Variants in VWC2L observed in about 807,000 individuals in gnomAD.
VWC2L encodes the protein von Willebrand factor C domain-containing protein 2-like.
A neutral mutation model predicts 21.6 loss-of-function variants in VWC2L; 10 were observed. The ratio of observed to expected loss-of-function variants is 0.46; its 90% confidence interval spans 0.29 to 0.78. VWC2L has a LOEUF of 0.78. VWC2L is among the 30% of genes least tolerant of loss of function. The pLI, the probability that VWC2L is intolerant of heterozygous loss-of-function variation, is 0.10. For synonymous variants in VWC2L, 96 were observed against 94.3 expected (o/e 1.02, Z -0.10); for missense variants, 209 against 277.1 (o/e 0.75, Z 1.74).
intron 3 of VWC2L, among the ~76,000 whole-genome samples, chr2:214,460,883 C>A (rs1202100367): frequency 1.3e-5 from 2 of 152,094 alleles, no homozygotes; most frequent in Admixed American, 1.3e-4. Context: ...ATCATTACTT[C>A]TTCCAGTTTT....
In VWC2L at chr2:214,554,448, G is replaced by T. The variant is rs536488776; in HGVS notation, c.521-21224G>T. Reference sequence around the variant, plus strand: ...GGGGGCCGAGGCGGGTGGATCACCTGAAGTCAGGAGTTCAAGACCGGCCTG... The same window carrying T: ...GGGGGCCGAGGCGGGTGGATCACCTTAAGTCAGGAGTTCAAGACCGGCCTG... On this transcript the variant is annotated intron_variant, in intron 3 of 3. Coordinates refer to ENST00000312504, the MANE Select transcript of VWC2L (RefSeq NM_001080500.4). Among the ~76,000 whole-genome samples, 6 of 152,078 alleles carry T rather than the reference G, an allele frequency of 3.9e-5. No homozygotes were observed. The South Asian group carries it at 1.0e-3, about 26-fold the overall frequency.
chr2:214,415,255 T>C (rs770140626), intron 2 of VWC2L: 1 of 152,314 alleles, frequency 6.6e-6, no homozygotes, highest in Non-Finnish European at 1.5e-5. Flanking sequence ...GCTTGCGTCA[T>C]ATTTTCAAAG....
intron 3 of VWC2L, among the ~76,000 whole-genome samples, chr2:214,550,420 CTA>C (rs1689775331): frequency 1.3e-5 from 2 of 152,114 alleles, no homozygotes; most frequent in Non-Finnish European, 2.9e-5. Flanking sequence ...TCTTTTATTT[CTA>C]ATGTATCCAA....
At chr2:214,475,132 G>C (rs1252556155) in intron 3 of VWC2L, among the ~76,000 whole-genome samples, 1 of 152,130 alleles carries the variant, frequency 6.6e-6, no homozygotes, top group African/African-American at 2.4e-5. Flanking sequence ...TTACATTGTA[G>C]ATGTAAAAGA....
intron 3 of VWC2L, among the ~76,000 whole-genome samples, chr2:214,458,220 A>G (rs575017433): frequency 6.6e-6 from 1 of 152,058 alleles, no homozygotes; most frequent in East Asian, 1.9e-4. Flanking sequence ...GTATGTTAAC[A>G]TACAGTTTTT....
chr2:214,521,693 C>G (rs1689243221), intron 3 of VWC2L, among the ~76,000 whole-genome samples: 1 of 152,210 alleles, frequency 6.6e-6, no homozygotes. Context: ...TGCCCAAAGG[C>G]AAGGGGTCAC....
intron 3 of VWC2L, among the ~76,000 whole-genome samples, chr2:214,506,983 A>C (rs963843326): frequency 2.6e-5 from 4 of 151,732 alleles, no homozygotes; most frequent in African/African-American, 7.3e-5. Context: ...AATTTTTAAA[A>C]AATGTTCTAT....
chr2:214,531,930 ACAG>A (rs1689442369), intron 3 of VWC2L, among the ~76,000 whole-genome samples: 1 of 152,142 alleles, frequency 6.6e-6, no homozygotes, highest in Non-Finnish European at 1.5e-5. Flanking sequence ...TCTGTAATCT[ACAG>A]TGTTTCAATC....
Position 214,575,832 on chromosome 2 carries a change from A to C in VWC2L, c.*12A>C. On this transcript the variant is annotated 3_prime_UTR_variant, in exon 4 of 4. Coordinates refer to ENST00000312504, the MANE Select transcript of VWC2L (RefSeq NM_001080500.4). The stretch of plus-strand genomic sequence containing the variant: ...AGCAGACTGTGTAGGACAAACTTCC[A>C]CCCAATGATGAGTTCTTAGGAAAGG... The C allele has an allele frequency of 6.2e-7, 1 of 1,608,724 alleles. No homozygotes were observed. Among genetic ancestry groups the C allele is most frequent in the Non-Finnish European group, 8.5e-7 (1 of 1,176,126 alleles).
intron 3 of VWC2L, among the ~76,000 whole-genome samples, chr2:214,439,031 A>G (rs1176481963): frequency 3.3e-5 from 5 of 152,056 alleles, no homozygotes; most frequent in Admixed American, 2.6e-4. Flanking sequence ...GTAATGTAAC[A>G]TTATGAGATG....
At chr2:214,434,034 A>C (rs1416576934) in intron 2 of VWC2L, among the ~76,000 whole-genome samples, 1 of 152,220 alleles carries the variant, frequency 6.6e-6, no homozygotes, top group African/African-American at 2.4e-5. Context: ...AGAGATTCTG[A>C]GTCAGAAAGG....
rs1361197254 is a variant in VWC2L at position 214,416,203 on chromosome 2, T to C, written c.390+1620T>C. On this transcript the variant is annotated intron_variant, in intron 2 of 3. Transcript: ENST00000312504. The stretch of plus-strand genomic sequence containing the variant: ...TAATCTGTATTTAATAAAGAAAATA[T>C]TGTCTAACTTAACTCACTATTGAAA... Among the ~76,000 whole-genome samples, 4 of 152,104 alleles carry C rather than the reference T, an allele frequency of 2.6e-5. No individual in the cohort carries two copies. The East Asian group carries it at 7.7e-4, about 29-fold the overall frequency.
intron 3 of VWC2L, among the ~76,000 whole-genome samples, chr2:214,516,222 C>T (rs1424460893): frequency 2.0e-5 from 3 of 152,042 alleles, no homozygotes; most frequent in Admixed American, 2.0e-4. Flanking sequence ...CTGCATAGAC[C>T]TTGATCAACA....
At chr2:214,484,261 T>C (rs376570188) in intron 3 of VWC2L, among the ~76,000 whole-genome samples, 1 of 152,132 alleles carries the variant, frequency 6.6e-6, no homozygotes. Context: ...ATGGACAAAT[T>C]TGGGGGAGTA....
chr2:214,574,046 G>A (rs1690191944), intron 3 of VWC2L, among the ~76,000 whole-genome samples: 1 of 152,226 alleles, frequency 6.6e-6, no homozygotes, highest in Non-Finnish European at 1.5e-5. Flanking sequence ...GGAGGCTGAG[G>A]CAGGAGAATT....
chr2:214,460,058 C>G (rs1367376315), intron 3 of VWC2L, among the ~76,000 whole-genome samples: 2 of 152,002 alleles, frequency 1.3e-5, no homozygotes, highest in East Asian at 1.9e-4. Context: ...CAGGCACCTG[C>G]CACCATGCCC....
At chr2:214,520,058 TACACACACACACACAC>T in intron 3 of VWC2L, among the ~76,000 whole-genome samples, 1 of 143,250 alleles carries the variant, frequency 7.0e-6, no homozygotes, top group East Asian at 2.2e-4. Context: ...GCTCCTGTTA[TACACACACACACACAC>T]ACACACACAC....
chr2:214,514,622 C>A (rs550457613), intron 3 of VWC2L, among the ~76,000 whole-genome samples: 2 of 152,158 alleles, frequency 1.3e-5, no homozygotes, highest in African/African-American at 4.8e-5. Flanking sequence ...TTTTTGCAAT[C>A]CTGTGTCCTA....
intron 3 of VWC2L, among the ~76,000 whole-genome samples, chr2:214,542,869 C>T (rs1689649449): frequency 6.6e-6 from 1 of 152,170 alleles, no homozygotes; most frequent in African/African-American, 2.4e-5. Flanking sequence ...GTTTAGAAAT[C>T]ATGAGCCAAA....
Sources: gnomAD v4.1 joint callset for allele counts (sites outside exome capture counted in the v4.1 genomes callset) on GRCh38, gnomAD v4.1.1 for gene constraint, MANE v1.5 for transcripts, NCBI Gene and HGNC (gene_info 2026-07-23, HGNC 2026-07-21) for gene names.